Variants in NRXN1 observed in about 807,000 individuals in gnomAD.
NRXN1 encodes the protein neurexin 1, also known as neurexin-1.
In NRXN1, 39 loss-of-function variants were observed where a neutral mutation model predicts 150.9. The ratio of observed to expected loss-of-function variants is 0.26; its 90% confidence interval spans 0.20 to 0.34. NRXN1 has a LOEUF of 0.34. Ranked by LOEUF, NRXN1 falls within the 10% of genes least tolerant of loss-of-function variation. The pLI is 1.00. For missense variants in NRXN1, 1,815 were observed against 1,949.9 expected (o/e 0.93, Z 1.30); for synonymous variants, 924 against 757.0 (o/e 1.22, Z -3.62).
chr2:50,934,449 T>C (rs922636748), intron 2 of NRXN1, among the ~76,000 whole-genome samples: 1 of 152,142 alleles, frequency 6.6e-6, no homozygotes, highest in Non-Finnish European at 1.5e-5. Context: ...GTTTTCTAAC[T>C]GCATGATTGA....
At chr2:49,979,364 TTC>T (rs1243453384) in intron 21 of NRXN1, among the ~76,000 whole-genome samples, 2 of 152,190 alleles carry the variant, frequency 1.3e-5, no homozygotes, top group African/African-American at 4.8e-5. Flanking sequence ...CTCCAAAGCC[TTC>T]TCTTTCCCAT....
intron 17 of NRXN1, among the ~76,000 whole-genome samples, chr2:50,353,656 T>G (rs1440560765): frequency 6.6e-6 from 1 of 152,132 alleles, no homozygotes; most frequent in East Asian, 1.9e-4. Context: ...GTGTACTTAG[T>G]TTAGCTTATT....
At chr2:50,106,930 G>T (rs543473894) in intron 18 of NRXN1, among the ~76,000 whole-genome samples, 1 of 151,878 alleles carries the variant, frequency 6.6e-6, no homozygotes, top group African/African-American at 2.4e-5. Flanking sequence ...AATGCTTTTT[G>T]AACAAGTTAC....
At position 50,295,152 on chromosome 2, in the gene NRXN1, C is replaced by G. The variant is rs182257556; in HGVS notation, c.3365-58182G>C. Among the ~76,000 whole-genome samples the G allele has an allele frequency of 4.6e-5, 7 of 152,314 alleles. No individual in the cohort carries two copies. In the East Asian group the frequency reaches 5.8e-4, roughly 13 times the overall value. ...TTCTATGCCCTGGCCTTCCTCCCTA[C>G]CCTCCATTGAGGGTACAATAGCATG... On this transcript the variant is annotated intron_variant, in intron 17 of 22. Transcript: ENST00000401669.
intron 2 of NRXN1, among the ~76,000 whole-genome samples, chr2:50,998,181 T>C (rs972550568): frequency 7.1e-6 from 1 of 141,546 alleles, no homozygotes; most frequent in African/African-American, 3.0e-5. Context: ...TACTAACATT[T>C]TAACTCAGCT....
chr2:50,667,425 G>T (rs961618639), intron 5 of NRXN1, among the ~76,000 whole-genome samples: 1 of 151,946 alleles, frequency 6.6e-6, no homozygotes, highest in East Asian at 1.9e-4. Context: ...GAATAAGAAA[G>T]ATATTTTTAG....
intron 5 of NRXN1, among the ~76,000 whole-genome samples, chr2:50,812,159 T>C (rs1282563885): frequency 6.6e-6 from 1 of 152,208 alleles, no homozygotes; most frequent in Non-Finnish European, 1.5e-5. Context: ...AGTATACATT[T>C]AAATTACATT....
At chr2:50,921,037 C>T (rs1323856969) in intron 5 of NRXN1, among the ~76,000 whole-genome samples, 2 of 151,612 alleles carry the variant, frequency 1.3e-5, no homozygotes, top group African/African-American at 2.4e-5. Flanking sequence ...AAAGATATTC[C>T]TGCATTTAAA....
At chr2:50,633,407 G>A (rs1682694724) in intron 5 of NRXN1, among the ~76,000 whole-genome samples, 1 of 152,060 alleles carries the variant, frequency 6.6e-6, no homozygotes, top group Non-Finnish European at 1.5e-5. Flanking sequence ...TAATAAATAT[G>A]TGATAAGTGT....
At chr2:50,084,243 T>C (rs1698437784) in intron 19 of NRXN1, among the ~76,000 whole-genome samples, 1 of 152,052 alleles carries the variant, frequency 6.6e-6, no homozygotes, top group Non-Finnish European at 1.5e-5. Flanking sequence ...CCTTGCGCGG[T>C]GGATGAGACT....
In NRXN1 at chr2:50,508,017, A is replaced by T. The variant is rs537176149; in HGVS notation, c.2375-1400T>A. 2.6e-5 allele frequency among the ~76,000 whole-genome samples: 4 copies of T among 152,224 alleles called. No individual in the cohort carries two copies. The South Asian group carries it at 8.3e-4, about 32-fold the overall frequency. ...AGAAAAAAAAAGAGGAGAGCAAGAG[A>T]GATCGAGTAAGAGACAGAGAACCAA... On this transcript the variant is annotated intron_variant, in intron 12 of 22. Transcript: ENST00000401669.
chr2:50,411,996 G>T (rs2083222305), intron 17 of NRXN1, among the ~76,000 whole-genome samples: 1 of 152,202 alleles, frequency 6.6e-6, no homozygotes, highest in Admixed American at 6.5e-5. Flanking sequence ...TTGGGATGCT[G>T]TTGATCTATA....
intron 5 of NRXN1, among the ~76,000 whole-genome samples, chr2:50,636,252 A>T (rs79340081): frequency 7.3e-4 from 111 of 152,206 alleles, no homozygotes; most frequent in Non-Finnish European, 1.1e-3. Context: ...TTTGCTATTT[A>T]TTTATTTTTT....
At chr2:50,118,239 T>G (rs1038532458) in intron 18 of NRXN1, among the ~76,000 whole-genome samples, 1 of 152,164 alleles carries the variant, frequency 6.6e-6, no homozygotes, top group African/African-American at 2.4e-5. Flanking sequence ...ATATAGAATC[T>G]GATTCAGTAG....
intron 5 of NRXN1, chr2:50,898,569 C>G (rs62140645): frequency 0.17 from 80,619 of 477,072 alleles, 7,552 homozygotes; most frequent in South Asian, 0.22. Context: ...GAAAATGAAA[C>G]GGGATATTGT....
chr2:50,000,142 A>C (rs2152532474), intron 21 of NRXN1, among the ~76,000 whole-genome samples: 1 of 152,296 alleles, frequency 6.6e-6, no homozygotes, highest in East Asian at 1.9e-4. Flanking sequence ...ATGAACTAAT[A>C]TGCACAGAAA....
intron 2 of NRXN1, among the ~76,000 whole-genome samples, chr2:50,975,256 A>G (rs1695635832): frequency 6.6e-6 from 1 of 152,156 alleles, no homozygotes; most frequent in South Asian, 2.1e-4. Context: ...ATTTATAAAC[A>G]TAACCATATA....
chr2:50,767,546 T>A (rs1702514070), intron 5 of NRXN1, among the ~76,000 whole-genome samples: 1 of 152,088 alleles, frequency 6.6e-6, no homozygotes, highest in Non-Finnish European at 1.5e-5. Context: ...TTTCCGACAG[T>A]GTGCTAAGGG....
chr2:50,135,935 T>C (rs1489238149), intron 18 of NRXN1, among the ~76,000 whole-genome samples: 1 of 152,200 alleles, frequency 6.6e-6, no homozygotes, highest in Non-Finnish European at 1.5e-5. Flanking sequence ...GTCAATTCCA[T>C]TGTCTCATTT....
Sources: allele counts gnomAD v4.1 joint callset (sites outside exome capture counted in the v4.1 genomes callset), GRCh38; gene constraint gnomAD v4.1.1; transcripts MANE v1.5; gene names NCBI Gene and HGNC (gene_info 2026-07-23, HGNC 2026-07-21).